The following TLE2 variants were observed in gnomAD, a reference collection of about 807,000 sequenced individuals.
TLE2 encodes transducin-like enhancer protein 2.
TLE2 carries 74 observed loss-of-function variants against 97.2 expected under a neutral mutation model. That is an observed-to-expected ratio of 0.76 (90% CI 0.63 to 0.92). The LOEUF (loss-of-function observed/expected upper bound fraction) is 0.92. Among genes scored for constraint, TLE2 ranks in the 40% least tolerant of loss-of-function variants. The pLI, the probability that TLE2 is intolerant of heterozygous loss-of-function variation, is 0.00. For synonymous variants in TLE2, 499 were observed against 432.1 expected (o/e 1.15, Z -1.92); for missense variants, 1,038 against 1,008.7 (o/e 1.03, Z -0.39).
At chr19:3,017,031 G>C (rs186095859) in intron 8 of TLE2, among the ~76,000 whole-genome samples, 8 of 152,240 alleles carry the variant, frequency 5.3e-5, no homozygotes, top group African/African-American at 1.4e-4. Context: ...ACCCACCTTG[G>C]CCTCCCAAAG....
intron 11 of TLE2, among the ~76,000 whole-genome samples, chr19:3,013,042 G>T (rs1354592516): frequency 1.3e-5 from 2 of 152,146 alleles, no homozygotes; most frequent in Non-Finnish European, 2.9e-5. Flanking sequence ...AACCTGCCAG[G>T]AAGGGAGGCC....
At chr19:3,013,562 C>T in intron 11 of TLE2, 107 bp downstream of exon 11, 1 of 1,117,484 alleles carries the variant, frequency 8.9e-7, no homozygotes, top group Admixed American at 4.1e-5. Flanking sequence ...CAATGCCAGC[C>T]CGGCTGGCTG....
At chr19:3,002,080 G>A (rs1001910542) in intron 18 of TLE2, among the ~76,000 whole-genome samples, 1 of 152,030 alleles carries the variant, frequency 6.6e-6, no homozygotes, top group Non-Finnish European at 1.5e-5. Context: ...TGACAGGCGT[G>A]AGCTACCACA....
upstream of TLE2, among the ~76,000 whole-genome samples, chr19:3,031,236 G>A (rs112173780): frequency 2.6e-5 from 4 of 152,100 alleles, no homozygotes; most frequent in Non-Finnish European, 4.4e-5. Flanking sequence ...GGGTGTCTGG[G>A]AGAGGACCCT....
intron 5 of TLE2, among the ~76,000 whole-genome samples, chr19:3,021,789 A>C (rs56139778): frequency 1.3e-5 from 2 of 151,896 alleles, no homozygotes; most frequent in Non-Finnish European, 2.9e-5. Flanking sequence ...CACCATGTTG[A>C]CCAGGCTGGT....
intron 11 of TLE2, among the ~76,000 whole-genome samples, chr19:3,013,135 G>A (rs1439822047): frequency 3.9e-5 from 6 of 152,102 alleles, no homozygotes; most frequent in Non-Finnish European, 7.4e-5. Context: ...GATTTGGGGT[G>A]AGGGGAGCTG....
intron 19 of TLE2, among the ~76,000 whole-genome samples, chr19:2,999,479 G>A (rs768832352): frequency 2.0e-5 from 3 of 151,816 alleles, no homozygotes; most frequent in African/African-American, 7.3e-5. Flanking sequence ...TGTAATCCCA[G>A]CACTTTGGGA....
At chr19:3,027,744 G>C in intron 4 of TLE2, 85 bp downstream of exon 4, 2 of 1,395,166 alleles carry the variant, frequency 1.4e-6, no homozygotes, top group Non-Finnish European at 2.0e-6. Flanking sequence ...GTCTGCTCTG[G>C]CCCCGGCTGC....
chr19:3,038,774 G>A (rs2090079156), intron 1 of TLE2, among the ~76,000 whole-genome samples: 1 of 152,212 alleles, frequency 6.6e-6, no homozygotes, highest in South Asian at 2.1e-4. Context: ...GCCGGGCGCA[G>A]TGGCTCATGC....
Position 2,997,842 on chromosome 19 carries a change from C to T in TLE2, c.*6G>A, listed in dbSNP as rs1357203251. 1.3e-6 allele frequency: 2 copies of T among 1,596,060 alleles called. No individual in the cohort carries two copies. Among genetic ancestry groups the T allele is most frequent in the Non-Finnish European group, 1.7e-6 (2 of 1,168,730 alleles). Reference sequence around the variant, plus strand: ...GGACTTCGGGTACAGGAAGGGGGGTCATGTCTCAGTAGACCACCTCATACA... The same window carrying T: ...GGACTTCGGGTACAGGAAGGGGGGTTATGTCTCAGTAGACCACCTCATACA... On this transcript the variant is annotated 3_prime_UTR_variant, in exon 20 of 20. Coordinates refer to ENST00000262953, the MANE Select transcript of TLE2 (RefSeq NM_003260.5).
chr19:3,022,543 T>A (rs1017730112), intron 5 of TLE2, among the ~76,000 whole-genome samples: 51 of 149,998 alleles, frequency 3.4e-4, no homozygotes, highest in Non-Finnish European at 4.3e-4. Flanking sequence ...AAAAAAAAAA[T>A]TTTTTTAAGG....
At chr19:3,005,359 G>A (rs1362787987) in intron 17 of TLE2, 78 bp downstream of exon 17, 2 of 1,542,940 alleles carry the variant, frequency 1.3e-6, no homozygotes, top group Admixed American at 2.0e-5. Context: ...GCCTCTGGAA[G>A]TGGGCACCTC....
At chr19:3,008,747 G>C (rs768040739) in intron 14 of TLE2, 122 bp downstream of exon 14, 2 of 710,350 alleles carry the variant, frequency 2.8e-6, no homozygotes, top group South Asian at 2.9e-5. Context: ...CACTGTGCCC[G>C]GCCCACACAA....
chr19:3,002,249 A>C, intron 18 of TLE2, 104 bp downstream of exon 18: 1 of 1,360,446 alleles, frequency 7.4e-7, no homozygotes, highest in Non-Finnish European at 9.8e-7. Context: ...AAAACTTAGT[A>C]TATAAATAAC....
upstream of TLE2, among the ~76,000 whole-genome samples, chr19:3,033,463 G>A (rs930974298): frequency 3.3e-5 from 5 of 151,986 alleles, no homozygotes; most frequent in Admixed American, 3.3e-4. Context: ...CACCGCACCC[G>A]GCTAATTTTT....
At chr19:3,024,161 C>T (rs2089900309) in intron 5 of TLE2, among the ~76,000 whole-genome samples, 1 of 149,620 alleles carries the variant, frequency 6.7e-6, no homozygotes, top group Non-Finnish European at 1.5e-5. Flanking sequence ...CCACCATGCC[C>T]GGCTAATTTT....
At chr19:3,046,908 TCC>T (rs2090145331), upstream of TLE2, among the ~76,000 whole-genome samples, 7 of 51,026 alleles carry the variant, frequency 1.4e-4, 1 homozygote, top group South Asian at 2.1e-3. Context: ...CTCCCCCTCC[TCC>T]CTCTCCTCCT....
At chr19:3,006,168 T>G (rs1453007348) in intron 15 of TLE2, 200 bp from the exon 16 acceptor site, 1 of 942,508 alleles carries the variant, frequency 1.1e-6, no homozygotes, top group Non-Finnish European at 1.7e-6. Flanking sequence ...ATCCTTTACC[T>G]ATAAGCCCCA....
Position 3,005,664 on chromosome 19 carries a change from C to T in TLE2, c.1748+57G>A, listed in dbSNP as rs2089458368. 16 of 1,606,858 alleles carry T rather than the reference C, an allele frequency of 1.0e-5. No individual in the cohort carries two copies. The South Asian group carries it at 1.4e-4, about 14-fold the overall frequency. ...GTCCCAGGTCACACTCCTCCACTCC[C>T]CCTGCACCGAGAGCGGCCGGGGGCT... On this transcript the variant is annotated intron_variant, in intron 16 of 19. Coordinates refer to ENST00000262953, the MANE Select transcript of TLE2 (RefSeq NM_003260.5).
Sources: gnomAD v4.1 joint callset for allele counts (sites outside exome capture counted in the v4.1 genomes callset) on GRCh38, gnomAD v4.1.1 for gene constraint, MANE v1.5 for transcripts, NCBI Gene and HGNC (gene_info 2026-07-23, HGNC 2026-07-21) for gene names.